RBFOX1: variants seen among roughly 807,000 people sequenced by gnomAD.
RBFOX1 encodes the protein RNA binding protein fox-1 homolog 1.
Under a neutral mutation model 57.7 loss-of-function variants are expected in RBFOX1, and 8 were observed. The observed-to-expected ratio is 0.14, with a 90% confidence interval of 0.08 to 0.25. RBFOX1 has a LOEUF of 0.25. Ranked by LOEUF, RBFOX1 falls within the 10% of genes least tolerant of loss-of-function variation. The probability of loss-of-function intolerance (pLI) is 1.00; values close to 1 mark genes in which losing one functional copy is unlikely to be tolerated. For missense variants in RBFOX1, 611 were observed against 548.5 expected, an observed-to-expected ratio of 1.11 and a Z score of -1.14; for synonymous variants, 326 against 222.4, an observed-to-expected ratio of 1.47 and a Z score of -4.15.
chr16:6,442,777 T>C (rs114805324), intron 2 of RBFOX1, among the ~76,000 whole-genome samples: 1,952 of 152,330 alleles, frequency 0.013, 42 homozygotes, highest in African/African-American at 0.044. Context: ...TCTCTTGTCC[T>C]GCCGTCATTG....
intron 2 of RBFOX1, among the ~76,000 whole-genome samples, chr16:6,328,507 C>T (rs1282875237): frequency 2.6e-5 from 4 of 151,998 alleles, no homozygotes; most frequent in African/African-American, 9.7e-5. Context: ...CTCAATAGAC[C>T]CTATGGGTCA....
chr16:6,429,804 G>A (rs1231639906), intron 2 of RBFOX1, among the ~76,000 whole-genome samples: 1 of 152,130 alleles, frequency 6.6e-6, no homozygotes, highest in Non-Finnish European at 1.5e-5. Flanking sequence ...AATGTGAACT[G>A]TGAGCCAATT....
At chr16:7,624,485 A>G (rs1347778446) in intron 10 of RBFOX1, among the ~76,000 whole-genome samples, 2 of 152,226 alleles carry the variant, frequency 1.3e-5, no homozygotes, top group Admixed American at 6.5e-5. Context: ...ACTAAACGTG[A>G]TAACATGTCA....
chr16:5,303,511 C>T (rs944233428), intron 1 of RBFOX1, among the ~76,000 whole-genome samples: 1 of 152,154 alleles, frequency 6.6e-6, no homozygotes, highest in Non-Finnish European at 1.5e-5. Context: ...AGGGAACATT[C>T]TGAAACCCTG....
intron 12 of RBFOX1, among the ~76,000 whole-genome samples, chr16:7,661,322 T>G (rs1301470247): frequency 1.3e-5 from 2 of 152,218 alleles, no homozygotes; most frequent in African/African-American, 4.8e-5. Flanking sequence ...CTTTTTGCTG[T>G]GAAGCCACCA....
intron 3 of RBFOX1, among the ~76,000 whole-genome samples, chr16:6,738,395 T>A (rs181668087): frequency 6.6e-6 from 1 of 152,078 alleles, no homozygotes; most frequent in African/African-American, 2.4e-5. Context: ...ATTCTGAGTA[T>A]AGAGCATCAG....
Position 5,444,077 on chromosome 16 carries a change from A to G in RBFOX1, c.220-23139A>G, listed in dbSNP as rs191958880. On this transcript the variant is annotated intron_variant, in intron 1 of 2. Coordinates refer to the RBFOX1 transcript ENST00000585867. ...CACTAATGAATTGTTCTGTTTGAGC[A>G]GAGCATTATTGGCAAAGGTGACACT... Among the ~76,000 whole-genome samples the G allele has an allele frequency of 9.3e-4, 141 of 152,222 alleles. 3 individuals carry two copies. Among genetic ancestry groups the G allele is most frequent in the Admixed American group, 8.0e-3 (123 of 15,286 alleles).
intron 4 of RBFOX1, among the ~76,000 whole-genome samples, chr16:7,212,877 T>A (rs4563052): frequency 0.59 from 89,098 of 151,818 alleles, 26,567 homozygotes; most frequent in African/African-American, 0.67. Flanking sequence ...AATGATGATG[T>A]CGGTGCTGGT....
rs1464172563 is a variant in RBFOX1, at chr16:6,387,900, T to TACC, written c.-64+70844_-64+70846dup. Among the ~76,000 whole-genome samples, 2 of 151,340 alleles carry TACC rather than the reference T, an allele frequency of 1.3e-5. 1 individual carries two copies. The highest frequency in any genetic ancestry group is 2.9e-5 in the Non-Finnish European group (2 of 67,884). Reference sequence around the variant, plus strand: ...CCACCTGGCTCTGAGAAGCACTGTGTACCCCAGTCACTATGACTGTTGAAA... The same window carrying TACC: ...CCACCTGGCTCTGAGAAGCACTGTGTACCACCCCAGTCACTATGACTGTTGAAA... On this transcript the variant is annotated intron_variant, in intron 2 of 15. Coordinates refer to ENST00000550418, the MANE Select transcript of RBFOX1 (RefSeq NM_018723.4).
intron 1 of RBFOX1, among the ~76,000 whole-genome samples, chr16:6,142,189 CA>C (rs71142685): frequency 0.014 from 700 of 49,066 alleles, 2 homozygotes; most frequent in East Asian, 0.1. Flanking sequence ...GCTGCTGCTG[CA>C]AAAAAAAAAA....
chr16:5,617,487 C>G (rs527273950), intron 3 of RBFOX1, among the ~76,000 whole-genome samples: 1 of 152,202 alleles, frequency 6.6e-6, no homozygotes, highest in Admixed American at 6.5e-5. Flanking sequence ...AATCATCAGG[C>G]TTGTTCCCCT....
chr16:7,597,136 C>G (rs984395968), intron 8 of RBFOX1: 1 of 385,906 alleles, frequency 2.6e-6, no homozygotes, highest in Admixed American at 4.6e-5. Flanking sequence ...ATTAAACACT[C>G]TTAATGATAT....
At chr16:7,559,704 G>C (rs1051785790) in intron 5 of RBFOX1, among the ~76,000 whole-genome samples, 2 of 152,222 alleles carry the variant, frequency 1.3e-5, no homozygotes, top group Non-Finnish European at 2.9e-5. Flanking sequence ...TGCCCACACA[G>C]TGCCAGAAGC....
At position 5,821,577 on chromosome 16, in the gene RBFOX1, A is replaced by G. The variant is rs1045852181; in HGVS notation, c.319-45726A>G. Among the ~76,000 whole-genome samples the G allele has an allele frequency of 7.9e-5, 12 of 152,168 alleles. 1 individual carries two copies. The highest frequency in any genetic ancestry group is 4.6e-4 in the Admixed American group (7 of 15,274). The stretch of plus-strand genomic sequence containing the variant: ...TTTGGCCTCCCAAAATGCTGGGATT[A>G]TAGGCATGACCTACCATGTCTGGTT... On this transcript the variant is annotated intron_variant, in intron 3 of 19. Transcript: ENST00000641259.
chr16:6,411,039 G>T (rs1399801094), intron 2 of RBFOX1, among the ~76,000 whole-genome samples: 1 of 152,156 alleles, frequency 6.6e-6, no homozygotes, highest in African/African-American at 2.4e-5. Flanking sequence ...GGAAACCATG[G>T]CTCCCGCTGC....
At chr16:7,707,644 A>C (rs751105075) in intron 14 of RBFOX1, among the ~76,000 whole-genome samples, 1 of 152,136 alleles carries the variant, frequency 6.6e-6, no homozygotes, top group Non-Finnish European at 1.5e-5. Context: ...GCCCCATGTC[A>C]GAGGAAGCCA....
At chr16:7,292,286 A>G (rs2095801509) in intron 4 of RBFOX1, among the ~76,000 whole-genome samples, 1 of 130,728 alleles carries the variant, frequency 7.6e-6, no homozygotes, top group Admixed American at 8.5e-5. Flanking sequence ...TATATCATAT[A>G]TCATATATGA....
chr16:6,614,680 A>G lies in RBFOX1; in HGVS notation c.-63-39923A>G, dbSNP rs145646884. ...CCTTACTCCTAGTGATTTGCCCCAC[A>G]GTCTTTGGTGTTCCTCGGCTTATGG... On this transcript the variant is annotated intron_variant, in intron 2 of 15. Coordinates refer to ENST00000550418, the MANE Select transcript of RBFOX1 (RefSeq NM_018723.4). Among the ~76,000 whole-genome samples, 257 of 152,234 alleles carry G rather than the reference A, an allele frequency of 1.7e-3. 2 individuals are homozygous for G. Among genetic ancestry groups the G allele is most frequent in the African/African-American group, 6.0e-3 (250 of 41,528 alleles).
At chr16:5,710,525 GC>G (rs1411310125) in intron 3 of RBFOX1, among the ~76,000 whole-genome samples, 1 of 152,174 alleles carries the variant, frequency 6.6e-6, no homozygotes, top group Non-Finnish European at 1.5e-5. Context: ...AGGATGGCAG[GC>G]CTGGCACATG....
Sources: allele counts gnomAD v4.1 joint callset (sites outside exome capture counted in the v4.1 genomes callset), GRCh38; gene constraint gnomAD v4.1.1; transcripts MANE v1.5; gene names NCBI Gene and HGNC (gene_info 2026-07-23, HGNC 2026-07-21).